Variants in EXOC2 observed in about 807,000 individuals in gnomAD.
EXOC2 encodes the protein SEC5-like 1.
A neutral mutation model predicts 131.8 loss-of-function variants in EXOC2; 70 were observed. The ratio of observed to expected loss-of-function variants is 0.53; its 90% confidence interval spans 0.44 to 0.65. The LOEUF (loss-of-function observed/expected upper bound fraction) is 0.65. EXOC2 is among the 30% of genes least tolerant of loss of function. The probability of loss-of-function intolerance (pLI) is 0.00; values close to 1 mark genes in which losing one functional copy is unlikely to be tolerated. For missense variants in EXOC2, 923 were observed against 1,108.6 expected (o/e 0.83, Z 2.38); for synonymous variants, 411 against 398.4 (o/e 1.03, Z -0.38).
At chr6:654,803 C>CAAAAAA (rs66637987) in intron 1 of EXOC2, among the ~76,000 whole-genome samples, 696 of 29,512 alleles carry the variant, frequency 0.024, 174 homozygotes, top group Middle Eastern at 0.036. Context: ...GACCCTGTCT[C>CAAAAAA]AAAAAAAAAA....
At chr6:659,711 T>C (rs1356991743) in intron 1 of EXOC2, among the ~76,000 whole-genome samples, 1 of 152,160 alleles carries the variant, frequency 6.6e-6, no homozygotes, top group Non-Finnish European at 1.5e-5. Flanking sequence ...CCCTGGGAGC[T>C]CACTGTGTCC....
Position 629,916 on chromosome 6 carries a change from T to C in EXOC2, c.341A>G (p.Tyr114Cys). 1 of 1,614,086 alleles carries C rather than the reference T, an allele frequency of 6.2e-7. No individual in the cohort carries two copies. The highest frequency in any genetic ancestry group is 8.5e-7 in the Non-Finnish European group (1 of 1,179,956). ...SAVWVDEMNY[Y>C]DMRTDRNKGI... ...TTTGTTCCTGTCAGTGCGCATATCA[T>C]AATAATTCATTTCATCAACCCACAC... The change falls in exon 4 of 28, where the codon TAT becomes TGT. Residue 114 changes from tyrosine (Y) to cysteine (C), a missense_variant. Coordinates refer to ENST00000230449, the MANE Select transcript of EXOC2 (RefSeq NM_018303.6).
chr6:491,025 G>A, intron 26 of EXOC2, 100 bp downstream of exon 26: 1 of 1,199,878 alleles, frequency 8.3e-7, no homozygotes, highest in South Asian at 1.3e-5. Context: ...AAATTCATGA[G>A]CATGTGCTCT....
At chr6:561,654 C>T (rs1418036815) in intron 17 of EXOC2, among the ~76,000 whole-genome samples, 5 of 152,074 alleles carry the variant, frequency 3.3e-5, no homozygotes, top group South Asian at 2.1e-4. Context: ...GGCGCGATCT[C>T]GGCTCACTGC....
At chr6:626,004 AG>A (rs1441737624) in intron 4 of EXOC2, among the ~76,000 whole-genome samples, 1 of 152,222 alleles carries the variant, frequency 6.6e-6, no homozygotes, top group Admixed American at 6.5e-5. Context: ...AGCCTAGCAA[AG>A]GTTCTTACTT....
At chr6:588,006 T>C (rs554500556) in intron 11 of EXOC2, among the ~76,000 whole-genome samples, 28 of 152,336 alleles carry the variant, frequency 1.8e-4, no homozygotes, top group Admixed American at 1.6e-3. Flanking sequence ...TATGAGCTGA[T>C]AAAATGAGAT....
chr6:683,092 G>C (rs1764487696), intron 1 of EXOC2, among the ~76,000 whole-genome samples: 1 of 152,166 alleles, frequency 6.6e-6, no homozygotes, highest in Admixed American at 6.5e-5. Context: ...CTGAAACCCA[G>C]GGTGAAGAGT....
In EXOC2 at chr6:614,060, C is replaced by T. The variant is rs1581557461; in HGVS notation, c.661+3651G>A. 2.6e-5 allele frequency among the ~76,000 whole-genome samples: 4 copies of T among 152,230 alleles called. No individual in the cohort carries two copies. The South Asian group carries it at 8.3e-4, about 32-fold the overall frequency. On this transcript the variant is annotated intron_variant, in intron 6 of 27. Transcript: ENST00000230449. ...AAAATATTAATATCATGTTATTATG[C>T]ACCAAAGAATTTAATCTTGCCCCCC...
rs796381970 is a variant in EXOC2, at chr6:606,489, G to T, written c.742+3609C>A. On this transcript the variant is annotated intron_variant, in intron 7 of 27. Transcript: ENST00000230449. Reference sequence around the variant, plus strand: ...AACATCAGAAACATTTAAAATTAAAGCGTCATATTTCTTTGTAGAAAAACT... The same window carrying T: ...AACATCAGAAACATTTAAAATTAAATCGTCATATTTCTTTGTAGAAAAACT... Among the ~76,000 whole-genome samples, 10 of 152,162 alleles carry T rather than the reference G, an allele frequency of 6.6e-5. 1 individual carries two copies. Among genetic ancestry groups the T allele is most frequent in the African/African-American group, 2.4e-4 (10 of 41,520 alleles).
At chr6:546,460 A>AC (rs1756859560) in intron 22 of EXOC2, among the ~76,000 whole-genome samples, 1 of 152,182 alleles carries the variant, frequency 6.6e-6, no homozygotes, top group Admixed American at 6.5e-5. Context: ...ACACTAATCA[A>AC]CCAGCTTCAG....
intron 3 of EXOC2, among the ~76,000 whole-genome samples, chr6:631,242 T>C (rs570434228): frequency 2.8e-4 from 43 of 152,264 alleles, no homozygotes; most frequent in African/African-American, 9.9e-4. Flanking sequence ...TGAGTTCAGT[T>C]CAAGAAAGCT....
chr6:633,528 A>G (rs971535684), intron 2 of EXOC2, among the ~76,000 whole-genome samples: 1 of 152,254 alleles, frequency 6.6e-6, no homozygotes, highest in African/African-American at 2.4e-5. Context: ...TTTTCTAAAA[A>G]CATTCTACAT....
intron 6 of EXOC2, among the ~76,000 whole-genome samples, chr6:615,997 G>C (rs906438503): frequency 6.6e-6 from 1 of 152,090 alleles, no homozygotes; most frequent in Non-Finnish European, 1.5e-5. Flanking sequence ...CCTTACTTGG[G>C]AGATTATACT....
chr6:508,646 C>T (rs1019318819), intron 23 of EXOC2, among the ~76,000 whole-genome samples: 2 of 152,204 alleles, frequency 1.3e-5, no homozygotes, highest in Admixed American at 1.3e-4. Context: ...ATTCATTTTC[C>T]AGATGGACCG....
intron 10 of EXOC2, among the ~76,000 whole-genome samples, chr6:596,134 C>T (rs571820119): frequency 3.3e-5 from 5 of 152,032 alleles, no homozygotes; most frequent in Admixed American, 1.3e-4. Flanking sequence ...TCCCGCACAG[C>T]GCCTGAGCAT....
chr6:581,138 T>C (rs1291411063), intron 11 of EXOC2, among the ~76,000 whole-genome samples: 1 of 150,598 alleles, frequency 6.6e-6, no homozygotes, highest in Non-Finnish European at 1.5e-5. Flanking sequence ...CCACTAAAAA[T>C]ACAAAAAAAT....
intron 1 of EXOC2, among the ~76,000 whole-genome samples, chr6:668,052 T>C (rs1361653081): frequency 6.6e-6 from 1 of 152,204 alleles, no homozygotes; most frequent in Non-Finnish European, 1.5e-5. Flanking sequence ...TGATCTATGC[T>C]CCCCTATAGA....
chr6:511,745 G>C (rs1405377232), intron 23 of EXOC2, among the ~76,000 whole-genome samples: 1 of 152,210 alleles, frequency 6.6e-6, no homozygotes, highest in East Asian at 1.9e-4. Flanking sequence ...GGGCAGCAAG[G>C]GCAGGAACAG....
At chr6:655,204 C>G (rs1763016670) in intron 1 of EXOC2, among the ~76,000 whole-genome samples, 1 of 152,202 alleles carries the variant, frequency 6.6e-6, no homozygotes, top group African/African-American at 2.4e-5. Flanking sequence ...ACAACCACCA[C>G]TGGAATCAGT....
Sources: allele counts gnomAD v4.1 joint callset (sites outside exome capture counted in the v4.1 genomes callset), GRCh38; gene constraint gnomAD v4.1.1; transcripts MANE v1.5; gene names NCBI Gene and HGNC (gene_info 2026-07-23, HGNC 2026-07-21).